CHLSN: variants seen among roughly 807,000 people sequenced by gnomAD.
CHLSN encodes protein cholesin.
At chr7:983,087 G>C in the CHLSN span, 1 of 841,328 alleles carries the variant, frequency 1.2e-6, no homozygotes. Flanking sequence ...CCTGCAAACT[G>C]CTCGTTCCAC....
the CHLSN span, chr7:1,028,379 G>A: frequency 1.0e-6 from 1 of 988,176 alleles, no homozygotes; most frequent in Non-Finnish European, 1.2e-6. Flanking sequence ...CGCATGCCCG[G>A]CCGGCCCGGC....
the CHLSN span, chr7:1,021,566 T>C: frequency 2.0e-6 from 2 of 985,420 alleles, no homozygotes; most frequent in African/African-American, 1.7e-5. Flanking sequence ...CTTCAGCAGC[T>C]GTCAGTCATC....
chr7:1,040,514 AAAACAACAACCT>A, the CHLSN span, among the ~76,000 whole-genome samples: 1 of 152,202 alleles, frequency 6.6e-6, no homozygotes, highest in Non-Finnish European at 1.5e-5. Flanking sequence ...AAACAAAACC[AAAACAACAACCT>A]AAACCTCACA....
At chr7:1,062,677 T>C in the CHLSN span, among the ~76,000 whole-genome samples, 2 of 152,240 alleles carry the variant, frequency 1.3e-5, no homozygotes, top group African/African-American at 4.8e-5. Flanking sequence ...AACTGAGGTG[T>C]TGGGGTATCC....
the CHLSN span, among the ~76,000 whole-genome samples, chr7:1,079,601 C>T: frequency 6.6e-6 from 1 of 152,238 alleles, no homozygotes; most frequent in Admixed American, 6.5e-5. Flanking sequence ...GGAATCTGCA[C>T]AACCCCCCTC....
chr7:986,954 C>T, the CHLSN span, among the ~76,000 whole-genome samples: 11 of 152,162 alleles, frequency 7.2e-5, no homozygotes, highest in Non-Finnish European at 1.2e-4. Context: ...GTCTGTGAAA[C>T]GGGGCATCCA....
chr7:1,058,323 T>G, the CHLSN span: 1 of 777,200 alleles, frequency 1.3e-6, no homozygotes, highest in South Asian at 1.3e-5. Flanking sequence ...GGACGCACAC[T>G]ACCTGGGGCT....
chr7:1,054,434 C>T, the CHLSN span, among the ~76,000 whole-genome samples: 1 of 152,256 alleles, frequency 6.6e-6, no homozygotes, highest in Non-Finnish European at 1.5e-5. Context: ...CTGAACCCCA[C>T]CTGGAGGCCG....
the CHLSN span, among the ~76,000 whole-genome samples, chr7:981,808 G>T: frequency 1.3e-5 from 2 of 152,170 alleles, no homozygotes; most frequent in African/African-American, 4.8e-5. Context: ...CAGGAGGATT[G>T]CTTGAACCCA....
At chr7:995,393 G>A in the CHLSN span, among the ~76,000 whole-genome samples, 1 of 152,224 alleles carries the variant, frequency 6.6e-6, no homozygotes, top group Non-Finnish European at 1.5e-5. Context: ...TGCTGTCGAA[G>A]GGAGGCCCAG....
the CHLSN span, among the ~76,000 whole-genome samples, chr7:1,029,750 G>C: frequency 2.2e-3 from 342 of 152,348 alleles, 3 homozygotes; most frequent in African/African-American, 7.9e-3. Context: ...TGGGGAGATG[G>C]TGTGGGCACC....
At chr7:1,059,883 G>T in the CHLSN span, among the ~76,000 whole-genome samples, 85 of 44,576 alleles carry the variant, frequency 1.9e-3, 1 homozygote, top group African/African-American at 5.6e-3. Flanking sequence ...GGGCGGGTCC[G>T]TAGTGAGGCG....
the CHLSN span, among the ~76,000 whole-genome samples, chr7:1,020,804 C>T: frequency 1.3e-5 from 2 of 152,336 alleles, no homozygotes; most frequent in East Asian, 3.9e-4. Flanking sequence ...CTCCTCTGGG[C>T]TCCCCAGGCT....
chr7:1,107,696 T>C, the CHLSN span, among the ~76,000 whole-genome samples: 231 of 152,354 alleles, frequency 1.5e-3, 1 homozygote, highest in African/African-American at 5.3e-3. Context: ...AGTTCTTCCC[T>C]GAATCCCACC....
the CHLSN span, chr7:985,125 T>A: frequency 6.2e-7 from 1 of 1,605,832 alleles, no homozygotes; most frequent in Non-Finnish European, 8.5e-7. Context: ...GGGACGCCCC[T>A]CCCCGGGCCT....
the CHLSN span, among the ~76,000 whole-genome samples, chr7:1,065,838 A>G: frequency 2.0e-5 from 3 of 152,312 alleles, no homozygotes; most frequent in African/African-American, 7.2e-5. Context: ...ACGCAGTAAG[A>G]TTTCAAGTGC....
At chr7:991,992 TCAGGCAG>T in the CHLSN span, among the ~76,000 whole-genome samples, 427 of 152,256 alleles carry the variant, frequency 2.8e-3, 1 homozygote, top group African/African-American at 9.8e-3. Context: ...CCCAGAGAAC[TCAGGCAG>T]CAGGCAGCCC....
the CHLSN span, among the ~76,000 whole-genome samples, chr7:1,019,519 A>G: frequency 6.6e-6 from 1 of 152,214 alleles, no homozygotes; most frequent in African/African-American, 2.4e-5. Context: ...CGGGGTCCTC[A>G]CTGCAGCACC....
chr7:1,026,050 T>G, the CHLSN span: 3 of 152,228 alleles, frequency 2.0e-5, no homozygotes, highest in Admixed American at 2.0e-4. Flanking sequence ...CCAGAGGCCC[T>G]GCCCCCTTGC....
Sources: gnomAD v4.1 joint callset for allele counts (sites outside exome capture counted in the v4.1 genomes callset) on GRCh38, gnomAD v4.1.1 for gene constraint, MANE v1.5 for transcripts, NCBI Gene and HGNC (gene_info 2026-07-23, HGNC 2026-07-21) for gene names.